The following GPC3 variants were observed in gnomAD, a reference collection of about 807,000 sequenced individuals.
The protein encoded by GPC3 is glypican-3.
GPC3 carries 3 observed loss-of-function variants against 34.4 expected under a neutral mutation model. That is an observed-to-expected ratio of 0.09 (90% CI 0.04 to 0.23). GPC3 has a LOEUF of 0.23. Among genes scored for constraint, GPC3 ranks in the 10% least tolerant of loss-of-function variants. The probability of loss-of-function intolerance (pLI) is 1.00; values close to 1 mark genes in which losing one functional copy is unlikely to be tolerated. For synonymous variants in GPC3, 177 were observed against 174.0 expected, an observed-to-expected ratio of 1.02 and a Z score of -0.13; for missense variants, 351 against 445.6, an observed-to-expected ratio of 0.79 and a Z score of 1.91.
At chrX:133,856,422 A>G (rs1171597785) in intron 2 of GPC3, among the ~76,000 whole-genome samples, 1 of 111,138 alleles carries the variant, frequency 9.0e-6, no homozygotes, top group Non-Finnish European at 1.9e-5. Context: ...AAAAAATAAA[A>G]ACATTTAAAA....
chrX:133,619,824 T>TA (rs1017015416), intron 6 of GPC3, among the ~76,000 whole-genome samples: 6 of 109,800 alleles, frequency 5.5e-5, no homozygotes, highest in Non-Finnish European at 9.5e-5. Context: ...TTTTACTCAA[T>TA]AAAAAAAAGA....
At chrX:133,634,292 T>G (rs1355609019) in intron 6 of GPC3, among the ~76,000 whole-genome samples, 1 of 112,108 alleles carries the variant, frequency 8.9e-6, no homozygotes, top group Non-Finnish European at 1.9e-5. Context: ...GTTAAACATA[T>G]ATTTATTATA....
At chrX:133,653,434 C>G in intron 6 of GPC3, among the ~76,000 whole-genome samples, 1 of 111,380 alleles carries the variant, frequency 9.0e-6, no homozygotes, top group Non-Finnish European at 1.9e-5. Context: ...AGGAAGGAGG[C>G]ACGAGATAAA....
chrX:133,659,015 T>C (rs766672299), intron 6 of GPC3, among the ~76,000 whole-genome samples: 1 of 112,245 alleles, frequency 8.9e-6, no homozygotes, highest in Non-Finnish European at 1.9e-5. Context: ...GTCCTGCCTA[T>C]AGAGAAAATC....
At chrX:133,933,856 CT>C (rs1313910774) in intron 2 of GPC3, among the ~76,000 whole-genome samples, 114 of 96,368 alleles carry the variant, frequency 1.2e-3, no homozygotes, top group African/African-American at 3.4e-3. Context: ...AACCTCTTTT[CT>C]TTTTTTTTTT....
At chrX:133,617,305 CT>C (rs1283038500) in intron 6 of GPC3, among the ~76,000 whole-genome samples, 1 of 111,743 alleles carries the variant, frequency 8.9e-6, no homozygotes, top group Non-Finnish European at 1.9e-5. Context: ...AAGCATATAC[CT>C]GTCAAAGACT....
chrX:133,837,181 G>A (rs950947967), intron 2 of GPC3, among the ~76,000 whole-genome samples: 2 of 111,427 alleles, frequency 1.8e-5, no homozygotes, highest in Non-Finnish European at 3.8e-5. Flanking sequence ...GACATCATGT[G>A]GCCCTCTTCA....
intron 5 of GPC3, among the ~76,000 whole-genome samples, chrX:133,667,752 G>A (rs757063800): frequency 1.6e-3 from 175 of 109,543 alleles, no homozygotes; most frequent in Non-Finnish European, 2.3e-3. Flanking sequence ...AGCTACCCAG[G>A]AGGCTCAGGT....
At chrX:133,683,045 TGTTTCCTAAC>T (rs1036179894) in intron 5 of GPC3, among the ~76,000 whole-genome samples, 8 of 110,167 alleles carry the variant, frequency 7.3e-5, no homozygotes, top group African/African-American at 2.7e-4. Flanking sequence ...ACCTAGTGTA[TGTTTCCTAAC>T]GTTTCAGGGT....
At chrX:133,769,400 G>T (rs1382761734) in intron 2 of GPC3, among the ~76,000 whole-genome samples, 1 of 112,109 alleles carries the variant, frequency 8.9e-6, no homozygotes, top group Non-Finnish European at 1.9e-5. Flanking sequence ...TTATCACAAA[G>T]AAAATAATAA....
intron 4 of GPC3, among the ~76,000 whole-genome samples, chrX:133,696,254 G>C (rs1397719290): frequency 8.9e-6 from 1 of 112,250 alleles, no homozygotes; most frequent in Non-Finnish European, 1.9e-5. Context: ...TAGGGAAGAA[G>C]ACTTCAGAAA....
intron 2 of GPC3, among the ~76,000 whole-genome samples, chrX:133,803,634 C>T (rs1053320583): frequency 1.8e-5 from 2 of 111,988 alleles, no homozygotes; most frequent in African/African-American, 6.5e-5. Flanking sequence ...TTCAGGAAGA[C>T]CGGAGTGATC....
At chrX:133,555,747 G>A (rs1321191124) in intron 7 of GPC3, among the ~76,000 whole-genome samples, 1 of 109,175 alleles carries the variant, frequency 9.2e-6, no homozygotes, top group Non-Finnish European at 1.9e-5. Flanking sequence ...AGAATCGCTT[G>A]AACCTGAGAG....
chrX:133,861,154 C>T (rs2075934604), intron 2 of GPC3, among the ~76,000 whole-genome samples: 1 of 111,366 alleles, frequency 9.0e-6, no homozygotes, highest in Non-Finnish European at 1.9e-5. Context: ...GCATTATCAG[C>T]ATACGTATAA....
chrX:133,601,525 A>T (rs1228484322), intron 6 of GPC3, among the ~76,000 whole-genome samples: 5 of 112,317 alleles, frequency 4.5e-5, no homozygotes, highest in African/African-American at 6.5e-5. Context: ...TCATACTTTA[A>T]ATGGGATGAT....
intron 3 of GPC3, among the ~76,000 whole-genome samples, chrX:133,705,550 C>T (rs2071208031): frequency 8.9e-6 from 1 of 112,012 alleles, no homozygotes; most frequent in East Asian, 2.8e-4. Context: ...AGCAAGGTCA[C>T]AATGTTAGTA....
intron 1 of GPC3, among the ~76,000 whole-genome samples, chrX:133,957,450 C>G (rs1420125496): frequency 3.6e-5 from 4 of 112,361 alleles, no homozygotes; most frequent in African/African-American, 1.3e-4. Flanking sequence ...TGAAATATAA[C>G]TATTTCAATG....
intron 4 of GPC3, among the ~76,000 whole-genome samples, chrX:133,696,767 T>C (rs1337395452): frequency 1.8e-5 from 2 of 112,537 alleles, no homozygotes; most frequent in African/African-American, 6.5e-5. Context: ...GGAATGTTCT[T>C]TGATTGTAAT....
chrX:133,761,262 G>A (rs1395419756), intron 2 of GPC3, among the ~76,000 whole-genome samples: 1 of 112,244 alleles, frequency 8.9e-6, no homozygotes, highest in African/African-American at 3.2e-5. Context: ...CATAGAAACT[G>A]CAAGCTAAGA....
Sources: gnomAD v4.1 joint callset for allele counts (sites outside exome capture counted in the v4.1 genomes callset) on GRCh38, gnomAD v4.1.1 for gene constraint, MANE v1.5 for transcripts, NCBI Gene and HGNC (gene_info 2026-07-23, HGNC 2026-07-21) for gene names.